The following MYO1F variants were observed in gnomAD, a reference collection of about 807,000 sequenced individuals.
MYO1F encodes the protein unconventional myosin-If.
Under a neutral mutation model 146.6 loss-of-function variants are expected in MYO1F, and 60 were observed. The observed-to-expected ratio is 0.41, with a 90% confidence interval of 0.33 to 0.51. The LOEUF is 0.51. MYO1F is among the 20% of genes least tolerant of loss of function. MYO1F has a pLI of 0.25. For synonymous variants in MYO1F, 602 were observed against 602.1 expected, an observed-to-expected ratio of 1.00 and a Z score of 0.00; for missense variants, 1,274 against 1,534.3, an observed-to-expected ratio of 0.83 and a Z score of 2.83.
intron 11 of MYO1F, 42 bp from the exon 12 acceptor site, chr19:8,548,164 G>C (rs779096629): frequency 2.3e-5 from 37 of 1,613,200 alleles, no homozygotes; most frequent in Non-Finnish European, 3.0e-5. Context: ...ATGTCCTGGT[G>C]CTGGAAGTTC....
chr19:8,521,578 G>A lies in MYO1F; in HGVS notation c.3247C>T (p.Leu1083Phe). Residue 1083 changes from leucine (L) to phenylalanine (F), a missense_variant, in exon 28 of 28, where the codon CTT (leucine) becomes TTT (phenylalanine). This residue lies in a region of MYO1F where 374 missense variants were observed against 379.2 expected (regional missense o/e 0.99). Coordinates refer to ENST00000644032, the MANE Select transcript of MYO1F (RefSeq NM_012335.4). ...EDPSGWWKGR[L>F]HGQEGLFPGN... Reference sequence around the variant, plus strand: ...GGGAAAAGGCCCTCCTGGCCGTGAAGCCGGCCCTTCCACCAGCCCGAGGGA... The same window carrying A: ...GGGAAAAGGCCCTCCTGGCCGTGAAACCGGCCCTTCCACCAGCCCGAGGGA... 6.2e-7 allele frequency: 1 copy of A among 1,614,148 alleles called. No homozygotes were observed. The highest frequency in any genetic ancestry group is 8.5e-7 in the Non-Finnish European group (1 of 1,180,014).
chr19:8,560,885 C>G (rs1391491835), intron 1 of MYO1F, among the ~76,000 whole-genome samples: 1 of 151,986 alleles, frequency 6.6e-6, no homozygotes, highest in Non-Finnish European at 1.5e-5. Flanking sequence ...ACTACAGGCG[C>G]CCGCCACCAC....
chr19:8,567,122 T>C (rs2042019435), intron 1 of MYO1F, among the ~76,000 whole-genome samples: 1 of 148,946 alleles, frequency 6.7e-6, no homozygotes, highest in Non-Finnish European at 1.5e-5. Flanking sequence ...AATGCAGTGG[T>C]ACGACTTTGG....
chr19:8,545,784 GC>G lies in MYO1F; in HGVS notation c.1270-49del, dbSNP rs756672035. 1.4e-5 allele frequency: 19 copies of G among 1,378,858 alleles called. No homozygotes were observed. In the East Asian group the frequency reaches 3.9e-4, roughly 28 times the overall value. The allele number at this position is 1,378,858 out of a possible 1,614,324, so 85.4% of individuals were successfully genotyped here. A position where few individuals can be genotyped will look rare whatever the true frequency, so the allele number is the denominator to read the frequency against. On this transcript the variant is annotated intron_variant, in intron 12 of 27. Transcript: ENST00000644032. ...TGTGGGGGCCAGTGAAAAAGTTGTG[GC>G]CACCCTTCCCCCCATGTCCTCTCCC...
rs533011270 is a variant in MYO1F at position 8,540,092 on chromosome 19, A to G, written c.1611-64T>C. ...CTAGACTTTCGGGTACTCTTCCTCCAGGGGTGGGGCAGCCTCAATGCCGCA... is the reference window on the plus strand; with the variant it reads ...CTAGACTTTCGGGTACTCTTCCTCCGGGGGTGGGGCAGCCTCAATGCCGCA... On this transcript the variant is annotated intron_variant, in intron 15 of 27. Coordinates refer to ENST00000644032, the MANE Select transcript of MYO1F (RefSeq NM_012335.4). The G allele has an allele frequency of 1.8e-3, 2,477 of 1,373,470 alleles. 50 individuals carry two copies. In the South Asian group the frequency reaches 0.029, roughly 16 times the overall value. 85.1% of individuals were successfully genotyped at this position (1,373,470 alleles called of 1,614,324 possible).
At chr19:8,528,050 C>T (rs1179988654) in intron 21 of MYO1F, among the ~76,000 whole-genome samples, 1 of 152,084 alleles carries the variant, frequency 6.6e-6, no homozygotes, top group East Asian at 1.9e-4. Context: ...GGTGAAACCC[C>T]GTCTCTACTA....
intron 14 of MYO1F, 50 bp downstream of exon 14, chr19:8,544,247 C>T (rs1224140851): frequency 6.2e-7 from 1 of 1,603,440 alleles, no homozygotes; most frequent in South Asian, 1.1e-5. Context: ...AGCCTGGAGC[C>T]CTGGGGGTCT....
Position 8,572,002 on chromosome 19 carries a change from C to T in MYO1F, c.3+5305G>A, listed in dbSNP as rs186571556. ...CCTCCTAAAGTATTGGGATTACAGG[C>T]GTAAGCCACCGCGCCTGGCCTTTAT... On this transcript the variant is annotated intron_variant, in intron 1 of 27. Coordinates refer to ENST00000644032, the MANE Select transcript of MYO1F (RefSeq NM_012335.4). Among the ~76,000 whole-genome samples the T allele has an allele frequency of 3.3e-3, 506 of 152,012 alleles. 3 individuals are homozygous for T. The highest frequency in any genetic ancestry group is 6.8e-3 in the Middle Eastern group (2 of 294).
intron 6 of MYO1F, among the ~76,000 whole-genome samples, chr19:8,552,556 C>T (rs1305623354): frequency 5.3e-5 from 8 of 152,114 alleles, no homozygotes; most frequent in African/African-American, 1.9e-4. Flanking sequence ...TGTGAGCCCC[C>T]ACACCCAGCC....
intron 1 of MYO1F, among the ~76,000 whole-genome samples, chr19:8,563,817 C>T (rs1568371311): frequency 6.6e-6 from 1 of 151,748 alleles, no homozygotes; most frequent in Admixed American, 6.6e-5. Context: ...TGGCTTGAGA[C>T]AGGGTTTTTC....
rs754715040 is a variant in MYO1F at position 8,530,216 on chromosome 19, T to C, written c.2308A>G (p.Lys770Glu). ...ERVDFADSVT[K>E]YDRRFKPIKR... is the part of the protein sequence containing the mutation. The stretch of plus-strand genomic sequence containing the variant: ...CTCACCTTGAAGCGGCGGTCGTACT[T>C]GGTGACCGAATCGGCGAAGTCCACC... The change falls in exon 21 of 28, where the codon AAG becomes GAG. Residue 770 changes from lysine (K) to glutamate (E), a missense_variant. Lys to Glu is a moderately conservative substitution (Grantham distance 56). This residue lies in a region of MYO1F where 900 missense variants were observed against 1,155.1 expected (regional missense o/e 0.78). Coordinates refer to ENST00000644032, the MANE Select transcript of MYO1F (RefSeq NM_012335.4). The surrounding 1 kb of genome is among the most constrained non-coding windows in gnomAD (Gnocchi z 5.8). The C allele has an allele frequency of 8.7e-6, 14 of 1,614,026 alleles. No homozygotes were observed. The highest frequency in any genetic ancestry group is 1.2e-5 in the Non-Finnish European group (14 of 1,179,974).
At chr19:8,566,481 TA>T (rs752838514) in intron 1 of MYO1F, among the ~76,000 whole-genome samples, 5 of 150,242 alleles carry the variant, frequency 3.3e-5, no homozygotes, top group African/African-American at 7.3e-5. Context: ...CTATGCTTTT[TA>T]AAAAAAATTT....
intron 1 of MYO1F, among the ~76,000 whole-genome samples, chr19:8,575,054 C>A (rs2042212800): frequency 6.6e-6 from 1 of 151,588 alleles, no homozygotes; most frequent in African/African-American, 2.4e-5. Flanking sequence ...CTGCACCCTG[C>A]CAACGGCATT....
chr19:8,526,936 C>T lies in MYO1F; in HGVS notation c.2475-1G>A, dbSNP rs1972296766. 2 of 1,613,732 alleles carry T rather than the reference C, an allele frequency of 1.2e-6. No homozygotes were observed. Among genetic ancestry groups the T allele is most frequent in the Non-Finnish European group, 8.5e-7 (1 of 1,179,980 alleles). On this transcript the variant is annotated splice_acceptor_variant, in intron 22 of 27. Coordinates refer to ENST00000644032, the MANE Select transcript of MYO1F (RefSeq NM_012335.4). LOFTEE classifies it high-confidence loss of function. The stretch of plus-strand genomic sequence containing the variant: ...GATGAAGAAGTCGTCCTGTCGCGTG[C>T]TGGGGAGGGGCGGGTGAGAGCGTCA...
intron 24 of MYO1F, among the ~76,000 whole-genome samples, chr19:8,526,008 C>G (rs1322211329): frequency 6.6e-6 from 1 of 152,082 alleles, no homozygotes; most frequent in Non-Finnish European, 1.5e-5. Flanking sequence ...TTCACGCCCA[C>G]TAATTGGTTG....
chr19:8,540,460 A>G (rs1972913615), intron 15 of MYO1F: 1 of 152,450 alleles, frequency 6.6e-6, no homozygotes, highest in Admixed American at 6.6e-5. Flanking sequence ...CTGTAATCCC[A>G]GCACTTTGGG....
At chr19:8,532,903 T>TATATATATATATACACACACACACAC in intron 19 of MYO1F, among the ~76,000 whole-genome samples, 1 of 113,172 alleles carries the variant, frequency 8.8e-6, no homozygotes, top group African/African-American at 3.3e-5. Context: ...AAAAAAAAAA[T>TATATATATATATACACACACACACAC]ACACACACAC....
rs752765289 is a variant in MYO1F at position 8,525,376 on chromosome 19, G to C, written c.2854+103C>G. 5 of 962,442 alleles carry C rather than the reference G, an allele frequency of 5.2e-6. No individual in the cohort carries two copies. The African/African-American group carries it at 8.0e-5, about 15-fold the overall frequency. The allele number at this position is 962,442 out of a possible 1,614,324, so 59.6% of individuals were successfully genotyped here. A position where few individuals can be genotyped will look rare whatever the true frequency, so the allele number is the denominator to read the frequency against. ...TACGGAGAGTCCTGGACAGAGAAGT[G>C]AGTGGTAAACTGTGTTTGTTAGATT... is the stretch of plus-strand genomic sequence containing the variant. On this transcript the variant is annotated intron_variant, in intron 25 of 27. Transcript: ENST00000644032.
intron 12 of MYO1F, 115 bp downstream of exon 12, chr19:8,547,921 G>A (rs1206443364): frequency 1.0e-6 from 1 of 986,828 alleles, no homozygotes; most frequent in Non-Finnish European, 1.6e-6. Context: ...GGCACAGAGA[G>A]GTGGGAACGC....
Sources: gnomAD v4.1 joint callset for allele counts (sites outside exome capture counted in the v4.1 genomes callset) on GRCh38, gnomAD v4.1.1 for gene constraint, gnomAD v4.1.1 regional missense constraint, Gnocchi (gnomAD v3.1) non-coding constraint, MANE v1.5 for transcripts, NCBI Gene and HGNC (gene_info 2026-07-23, HGNC 2026-07-21) for gene names.